Variants in ARHGAP42 observed in about 807,000 individuals in gnomAD.
ARHGAP42 encodes the protein Rho GTPase activating protein 42, also known as rho GTPase-activating protein 42.
Under a neutral mutation model 125.0 loss-of-function variants are expected in ARHGAP42, and 63 were observed. The observed-to-expected ratio is 0.50, with a 90% CI of 0.41 to 0.62. ARHGAP42 has a LOEUF of 0.62. Among genes scored for constraint, ARHGAP42 ranks in the 20% least tolerant of loss-of-function variants. ARHGAP42 has a pLI of 0.00. For synonymous variants in ARHGAP42, 339 were observed against 351.0 expected (o/e 0.97, Z 0.38); for missense variants, 766 against 1,024.2 (o/e 0.75, Z 3.44).
intron 3 of ARHGAP42, among the ~76,000 whole-genome samples, chr11:100,845,173 A>G (rs1591232060): frequency 6.6e-6 from 1 of 152,156 alleles, no homozygotes; most frequent in South Asian, 2.1e-4. Context: ...CTACTCAGCC[A>G]TAAAAAGAAG....
intron 1 of ARHGAP42, among the ~76,000 whole-genome samples, chr11:100,725,515 A>G (rs1216214557): frequency 6.6e-6 from 1 of 151,740 alleles, no homozygotes; most frequent in African/African-American, 2.4e-5. Context: ...AATTACGGCT[A>G]GGCATGGAGA....
intron 3 of ARHGAP42, among the ~76,000 whole-genome samples, chr11:100,835,467 A>G (rs1319056642): frequency 1.3e-5 from 2 of 152,152 alleles, no homozygotes; most frequent in Admixed American, 6.6e-5. Flanking sequence ...ATTCTTAAAT[A>G]CTGCCTAGCA....
chr11:100,976,573 G>C, intron 20 of ARHGAP42, 136 bp downstream of exon 20: 1 of 1,313,466 alleles, frequency 7.6e-7, no homozygotes, highest in Non-Finnish European at 1.0e-6. Flanking sequence ...CCTGTGCTTG[G>C]ATTTTACAAC....
At chr11:100,930,823 T>C (rs192861014) in intron 6 of ARHGAP42, among the ~76,000 whole-genome samples, 1 of 152,210 alleles carries the variant, frequency 6.6e-6, no homozygotes, top group Non-Finnish European at 1.5e-5. Context: ...AAGCATGAAG[T>C]GGCCCTTCAC....
intron 1 of ARHGAP42, among the ~76,000 whole-genome samples, chr11:100,761,962 C>T (rs138264541): frequency 6.6e-6 from 1 of 152,316 alleles, no homozygotes; most frequent in African/African-American, 2.4e-5. Context: ...AGTACTTGCT[C>T]TGAAACACAT....
chr11:100,895,830 C>CT (rs1247567678), intron 4 of ARHGAP42, among the ~76,000 whole-genome samples: 1 of 151,900 alleles, frequency 6.6e-6, no homozygotes, highest in Non-Finnish European at 1.5e-5. Flanking sequence ...AATGGGTGTT[C>CT]TTTTTTCTTT....
intron 3 of ARHGAP42, among the ~76,000 whole-genome samples, chr11:100,843,907 CAAAAT>C (rs943927784): frequency 2.6e-5 from 4 of 152,044 alleles, no homozygotes; most frequent in Non-Finnish European, 4.4e-5. Flanking sequence ...CAATTCCCAT[CAAAAT>C]ATCACCATCA....
intron 4 of ARHGAP42, among the ~76,000 whole-genome samples, chr11:100,903,048 G>A (rs1015439717): frequency 2.7e-5 from 4 of 150,682 alleles, no homozygotes; most frequent in African/African-American, 9.8e-5. Context: ...GGTCAGCTGA[G>A]GCCACTTGTA....
At position 100,687,600 on chromosome 11, in the gene ARHGAP42, C is replaced by G. The variant is rs554676478; in HGVS notation, c.-79C>G. The G allele has an allele frequency of 8.7e-7, 1 of 1,144,056 alleles. No individual in the cohort carries two copies. Among genetic ancestry groups the G allele is most frequent in the Non-Finnish European group, 1.1e-6 (1 of 920,644 alleles). 70.9% of individuals were successfully genotyped at this position (1,144,056 alleles called of 1,614,324 possible). A position where few individuals can be genotyped will look rare whatever the true frequency, so the allele number is the denominator to read the frequency against. On this transcript the variant is annotated 5_prime_UTR_variant, in exon 1 of 24. Transcript: ENST00000298815. ...TCCCCGCGATCGCGCGACCCCAGCG[C>G]CCGCCGCGGCCGCCGGCTGCCCCCG...
rs1858860443 is a variant in ARHGAP42 at position 100,992,469 on chromosome 11, T to G, written c.*3668T>G. 6.2e-7 allele frequency: 1 copy of G among 1,614,030 alleles called. No homozygotes were observed. Among genetic ancestry groups the G allele is most frequent in the African/African-American group, 1.3e-5 (1 of 74,940 alleles). ...TTTAACTTTGCCTCCTACCCTTTTT[T>G]GTTACCTTCCAAAATCAAGACACTT... On this transcript the variant is annotated 3_prime_UTR_variant, in exon 24 of 24. Coordinates refer to ENST00000298815, the MANE Select transcript of ARHGAP42 (RefSeq NM_152432.4).
At position 100,960,942 on chromosome 11, in the gene ARHGAP42, T is replaced by C. The variant is rs937119771; in HGVS notation, c.1253T>C (p.Ile418Thr). 2.6e-6 allele frequency: 4 copies of C among 1,538,052 alleles called. No individual in the cohort carries two copies. The African/African-American group carries it at 4.1e-5, about 16-fold the overall frequency. Residue 418 changes from isoleucine (I) to threonine (T), a missense_variant, in exon 14 of 24, where the codon ATA becomes ACA. Coordinates refer to ENST00000298815, the MANE Select transcript of ARHGAP42 (RefSeq NM_152432.4). ...RGITILGLYRIGGVNSKVQKL... is the reference protein window; with the variant it reads ...RGITILGLYRTGGVNSKVQKL... ...ATCACCATTTTAGGACTCTACCGAA[T>C]AGGAGGAGTGAACTCCAAAGTTCAA...
intron 22 of ARHGAP42, chr11:100,986,178 A>C: frequency 2.2e-6 from 1 of 448,728 alleles, no homozygotes; most frequent in South Asian, 1.6e-5. Flanking sequence ...ACAAAATACC[A>C]GATACTAACA....
At chr11:100,969,765 C>T (rs551685970) in intron 17 of ARHGAP42, among the ~76,000 whole-genome samples, 1 of 152,176 alleles carries the variant, frequency 6.6e-6, no homozygotes, top group South Asian at 2.1e-4. Context: ...ATATTTGTGA[C>T]TTCTTTGAAG....
chr11:100,748,836 G>A (rs1055144868), intron 1 of ARHGAP42, among the ~76,000 whole-genome samples: 1 of 149,978 alleles, frequency 6.7e-6, no homozygotes, highest in Non-Finnish European at 1.5e-5. Context: ...TCACGGAGAA[G>A]ACCTTCAATT....
chr11:100,699,151 A>G (rs11224395), intron 1 of ARHGAP42, among the ~76,000 whole-genome samples: 2 of 152,088 alleles, frequency 1.3e-5, no homozygotes, highest in East Asian at 3.9e-4. Flanking sequence ...CCCGATTTTT[A>G]CCAGCCCAGG....
chr11:100,813,234 G>A (rs1472472088), intron 3 of ARHGAP42, among the ~76,000 whole-genome samples: 1 of 152,182 alleles, frequency 6.6e-6, no homozygotes, highest in Non-Finnish European at 1.5e-5. Flanking sequence ...TCTGTCCTGT[G>A]CATTGTAGGA....
chr11:100,933,998 G>A (rs1050060698), intron 7 of ARHGAP42, among the ~76,000 whole-genome samples: 4 of 152,114 alleles, frequency 2.6e-5, no homozygotes, highest in Non-Finnish European at 5.9e-5. Flanking sequence ...TGTTGGTCAG[G>A]CTGGTCTCGA....
chr11:100,695,629 T>TCCA (rs1861264259), intron 1 of ARHGAP42, among the ~76,000 whole-genome samples: 10 of 152,128 alleles, frequency 6.6e-5, no homozygotes, highest in Non-Finnish European at 5.9e-5. Flanking sequence ...AACCAGAATA[T>TCCA]TTGGTTAATC....
At chr11:100,840,767 A>G (rs969469673) in intron 3 of ARHGAP42, 44 of 152,200 alleles carry the variant, frequency 2.9e-4, no homozygotes, top group African/African-American at 1.0e-3. Flanking sequence ...TTGTTTCTTA[A>G]TAATATATAG....
Sources: gnomAD v4.1 joint callset for allele counts (sites outside exome capture counted in the v4.1 genomes callset) on GRCh38, gnomAD v4.1.1 for gene constraint, MANE v1.5 for transcripts, NCBI Gene and HGNC (gene_info 2026-07-23, HGNC 2026-07-21) for gene names.